Variants in AGXT2 observed in about 807,000 individuals in gnomAD.
The protein encoded by AGXT2 is alanine--glyoxylate aminotransferase 2, mitochondrial.
In AGXT2, 61 loss-of-function variants were observed where a neutral mutation model predicts 62.5. The ratio of observed to expected loss-of-function variants is 0.98; its 90% CI spans 0.79 to 1.21. The LOEUF (loss-of-function observed/expected upper bound fraction) is 1.21. Ranked by LOEUF, AGXT2 falls within the 50% of genes most tolerant of loss-of-function variation. The pLI, the probability that AGXT2 is intolerant of heterozygous loss-of-function variation, is 0.00. For missense variants in AGXT2, 666 were observed against 641.5 expected, an observed-to-expected ratio of 1.04 and a Z score of -0.41; for synonymous variants, 243 against 218.7, an observed-to-expected ratio of 1.11 and a Z score of -0.98.
intron 9 of AGXT2, among the ~76,000 whole-genome samples, chr5:35,024,697 G>A (rs2567642): frequency 0.45 from 69,149 of 152,058 alleles, 16,100 homozygotes; most frequent in African/African-American, 0.53. Flanking sequence ...GGCCAGGCGC[G>A]GTGGCTCATG....
Position 35,033,616 on chromosome 5 carries a change from A to G in AGXT2, c.582-63T>C, listed in dbSNP as rs556001235. On this transcript the variant is annotated intron_variant, in intron 5 of 13. Coordinates refer to ENST00000231420, the MANE Select transcript of AGXT2 (RefSeq NM_031900.4). ...CCTGGTCCACTGAGTAGGACAAAAG[A>G]GAAAACCCAGGAAGGCTATGAAGAT... is the stretch of plus-strand genomic sequence containing the variant. The G allele has an allele frequency of 1.5e-5, 19 of 1,291,540 alleles. No individual in the cohort carries two copies. In the South Asian group the frequency reaches 2.0e-4, roughly 14 times the overall value. The allele number at this position is 1,291,540 out of a possible 1,614,324, so 80.0% of individuals were successfully genotyped here.
Position 35,039,452 on chromosome 5 carries a change from C to A in AGXT2, c.234G>T (p.Val78=). Residue 78 remains valine, a synonymous_variant, in exon 3 of 14, where the codon GTG becomes GTT. Transcript: ENST00000231420. The part of the protein sequence containing the change: ...EIHKEHLSPV[V]TAYFQKPLLL... ...GCAGGGGTTTCTGGAAATATGCCGT[C>A]ACCACAGGAGAAAGATGTTCCTTGT... The A allele has an allele frequency of 6.2e-7, 1 of 1,614,098 alleles. No individual in the cohort carries two copies.
intron 9 of AGXT2, among the ~76,000 whole-genome samples, chr5:35,023,100 A>G (rs1340148687): frequency 4.2e-5 from 6 of 144,334 alleles, no homozygotes; most frequent in South Asian, 2.3e-4. Context: ...ATTTGTTTGT[A>G]TAGGTTTCAC....
At chr5:35,012,653 A>C (rs1766688520) in intron 11 of AGXT2, 4 of 384,284 alleles carry the variant, frequency 1.0e-5, no homozygotes, top group Non-Finnish European at 2.0e-5. Flanking sequence ...GATAGCAGTT[A>C]ACATCTATAA....
chr5:35,016,377 T>G (rs1766851168), intron 9 of AGXT2, among the ~76,000 whole-genome samples: 1 of 152,180 alleles, frequency 6.6e-6, no homozygotes, highest in Non-Finnish European at 1.5e-5. Context: ...GGAATTTAGT[T>G]TATGGTTTAA....
chr5:35,013,122 C>A, intron 10 of AGXT2, 77 bp from the exon 11 acceptor site: 1 of 1,281,152 alleles, frequency 7.8e-7, no homozygotes, highest in Non-Finnish European at 1.1e-6. Context: ...ATTTGGACTA[C>A]AGTTACTTCG....
At chr5:35,039,159 G>C (rs1225171335) in intron 3 of AGXT2, among the ~76,000 whole-genome samples, 165 bp downstream of exon 3, 1 of 152,134 alleles carries the variant, frequency 6.6e-6, no homozygotes, top group Non-Finnish European at 1.5e-5. Context: ...AAAAGTAAGG[G>C]TGTCAAGATT....
intron 10 of AGXT2, among the ~76,000 whole-genome samples, chr5:35,013,646 G>T (rs1251382589): frequency 6.6e-6 from 1 of 152,182 alleles, no homozygotes; most frequent in African/African-American, 2.4e-5. Context: ...GCTGGGCGTG[G>T]TGGTGCGCAC....
chr5:35,017,477 T>G (rs1391820551), intron 9 of AGXT2, among the ~76,000 whole-genome samples: 1 of 152,172 alleles, frequency 6.6e-6, no homozygotes, highest in African/African-American at 2.4e-5. Context: ...TGGTGGTGAA[T>G]AAGTCTCACA....
chr5:35,004,761 C>T (rs1766362108), intron 12 of AGXT2, among the ~76,000 whole-genome samples: 1 of 152,164 alleles, frequency 6.6e-6, no homozygotes, highest in African/African-American at 2.4e-5. Context: ...CGGGGCCCCT[C>T]TAGTGTGCCC....
rs1767954099 is a variant in AGXT2, at chr5:35,040,723, T to C, written c.89-60A>G. ...CATGACATAGGTCTGTTTGTGAAAG[T>C]CACCTATAGTTATCCAAATAAAACT... On this transcript the variant is annotated intron_variant, in intron 1 of 13. Coordinates refer to ENST00000231420, the MANE Select transcript of AGXT2 (RefSeq NM_031900.4). The C allele has an allele frequency of 2.1e-5, 27 of 1,267,090 alleles. 1 individual carries two copies. The South Asian group carries it at 3.1e-4, about 15-fold the overall frequency. The allele number at this position is 1,267,090 out of a possible 1,614,324, so 78.5% of individuals were successfully genotyped here.
intron 9 of AGXT2, among the ~76,000 whole-genome samples, chr5:35,014,777 T>C (rs1766789292): frequency 6.6e-6 from 1 of 152,154 alleles, no homozygotes; most frequent in Non-Finnish European, 1.5e-5. Context: ...TTGATGAGCG[T>C]TTCCTCTGTG....
At chr5:35,044,933 A>G (rs976240025) in intron 1 of AGXT2, among the ~76,000 whole-genome samples, 2 of 152,180 alleles carry the variant, frequency 1.3e-5, no homozygotes, top group African/African-American at 4.8e-5. Flanking sequence ...TAGGCTTGGC[A>G]GGAATGGAGA....
rs975897304 is a variant in AGXT2, at chr5:34,998,283, G to A, written c.*436C>T. 7 of 205,538 alleles carry A rather than the reference G, an allele frequency of 3.4e-5. No individual in the cohort carries two copies. Among genetic ancestry groups the A allele is most frequent in the East Asian group, 1.2e-4 (1 of 8,318 alleles). 12.7% of individuals were successfully genotyped at this position (205,538 alleles called of 1,614,324 possible). A position where few individuals can be genotyped will look rare whatever the true frequency, so the allele number is the denominator to read the frequency against. ...CGGCTGACATGGTGCCAGGAATCTC[G>A]TCATGAACATATGGTGTTCTCAGCG... On this transcript the variant is annotated 3_prime_UTR_variant, in exon 14 of 14. Coordinates refer to ENST00000231420, the MANE Select transcript of AGXT2 (RefSeq NM_031900.4).
rs1242607480 is a variant in AGXT2 at position 35,013,939 on chromosome 5, C to T, written c.1096+48G>A. On this transcript the variant is annotated intron_variant, in intron 10 of 13. Coordinates refer to ENST00000231420, the MANE Select transcript of AGXT2 (RefSeq NM_031900.4). ...TCCAACACACGTGTTATACCATAGC[C>T]CAATGTACGAGGCCCAGAAGCAAAC... The T allele has an allele frequency of 3.1e-6, 5 of 1,613,360 alleles. No homozygotes were observed. In the African/African-American group the frequency reaches 4.0e-5, roughly 13 times the overall value.
At chr5:35,026,238 A>G in intron 8 of AGXT2, 172 bp downstream of exon 8, 2 of 666,868 alleles carry the variant, frequency 3.0e-6, no homozygotes, top group South Asian at 3.7e-5. Context: ...GAGGGTTTTT[A>G]AAAGGTCATT....
intron 1 of AGXT2, 50 bp downstream of exon 1, chr5:35,047,755 A>T (rs763065092): frequency 6.2e-7 from 1 of 1,604,904 alleles, no homozygotes; most frequent in Non-Finnish European, 8.5e-7. Flanking sequence ...CTCAAGTCTT[A>T]CCCTCTCGCT....
intron 12 of AGXT2, among the ~76,000 whole-genome samples, chr5:35,009,020 G>A (rs1426245245): frequency 6.6e-6 from 1 of 152,214 alleles, no homozygotes; most frequent in Non-Finnish European, 1.5e-5. Context: ...GAGTCCTGTT[G>A]TTAGAAACAA....
At chr5:35,013,870 A>G in intron 10 of AGXT2, 117 bp downstream of exon 10, 1 of 1,441,030 alleles carries the variant, frequency 6.9e-7, no homozygotes, top group Non-Finnish European at 9.7e-7. Context: ...TTGCTTGGGA[A>G]ATGCATCATG....
Sources: gnomAD v4.1 joint callset for allele counts (sites outside exome capture counted in the v4.1 genomes callset) on GRCh38, gnomAD v4.1.1 for gene constraint, MANE v1.5 for transcripts, NCBI Gene and HGNC (gene_info 2026-07-23, HGNC 2026-07-21) for gene names.